PCDH9: variants seen among roughly 807,000 people sequenced by gnomAD.
PCDH9 encodes the protein protocadherin 9, also known as protocadherin-9.
A neutral mutation model predicts 70.6 loss-of-function variants in PCDH9; 24 were observed. The observed-to-expected ratio is 0.34, with a 90% CI of 0.25 to 0.48. The LOEUF (loss-of-function observed/expected upper bound fraction) is 0.48, where lower values mean the gene tolerates loss of function less well. Among genes scored for constraint, PCDH9 ranks in the 20% least tolerant of loss-of-function variants. The pLI is 0.99. For missense variants in PCDH9, 1,281 were observed against 1,503.6 expected, an observed-to-expected ratio of 0.85 and a Z score of 2.45; for synonymous variants, 562 against 558.5, an observed-to-expected ratio of 1.01 and a Z score of -0.09.
chr13:66,653,555 C>T (rs1168243732), intron 3 of PCDH9, among the ~76,000 whole-genome samples: 2 of 152,098 alleles, frequency 1.3e-5, no homozygotes, highest in African/African-American at 2.4e-5. Context: ...CCCTGGTACA[C>T]TGTTGGTGGG....
intron 4 of PCDH9, among the ~76,000 whole-genome samples, chr13:66,399,131 A>T (rs1957148821): frequency 6.6e-6 from 1 of 152,144 alleles, no homozygotes; most frequent in Non-Finnish European, 1.5e-5. Flanking sequence ...CCTATTCTGT[A>T]GATGCACAGT....
intron 4 of PCDH9, among the ~76,000 whole-genome samples, chr13:66,518,005 T>C (rs1959818193): frequency 6.6e-6 from 1 of 152,076 alleles, no homozygotes; most frequent in Non-Finnish European, 1.5e-5. Context: ...TATAAAGAAA[T>C]ACCTGAGATT....
chr13:66,650,152 TG>T (rs1382708267), intron 3 of PCDH9, among the ~76,000 whole-genome samples: 1 of 151,826 alleles, frequency 6.6e-6, no homozygotes, highest in African/African-American at 2.4e-5. Context: ...TAACATTGAC[TG>T]TAAATGAACT....
At chr13:66,389,635 A>G (rs1956985328) in intron 4 of PCDH9, among the ~76,000 whole-genome samples, 1 of 152,198 alleles carries the variant, frequency 6.6e-6, no homozygotes, top group Non-Finnish European at 1.5e-5. Flanking sequence ...CTGGATGTTT[A>G]TGTCTGCTCT....
At chr13:66,575,064 T>A (rs1007950898) in intron 4 of PCDH9, among the ~76,000 whole-genome samples, 1 of 151,762 alleles carries the variant, frequency 6.6e-6, no homozygotes, top group African/African-American at 2.4e-5. Flanking sequence ...TCCCAGCTAC[T>A]CGGGAGGCAG....
intron 2 of PCDH9, chr13:67,001,970 C>T (rs566827496): frequency 1.7e-4 from 26 of 152,264 alleles, no homozygotes; most frequent in African/African-American, 6.3e-4. Context: ...TGAATCACTT[C>T]TTAAATAAAT....
At chr13:67,191,422 T>G (rs970186391) in intron 2 of PCDH9, among the ~76,000 whole-genome samples, 2 of 152,268 alleles carry the variant, frequency 1.3e-5, no homozygotes, top group Admixed American at 1.3e-4. Context: ...AGAATTTATC[T>G]CTATAAATCA....
intron 3 of PCDH9, among the ~76,000 whole-genome samples, chr13:66,757,474 T>C (rs971664406): frequency 1.3e-5 from 2 of 152,184 alleles, no homozygotes; most frequent in Non-Finnish European, 2.9e-5. Context: ...TTTACCATCA[T>C]TGGGTTTTTA....
At chr13:66,901,752 A>G (rs1220258511) in intron 3 of PCDH9, among the ~76,000 whole-genome samples, 2 of 151,692 alleles carry the variant, frequency 1.3e-5, no homozygotes, top group Non-Finnish European at 3.0e-5. Flanking sequence ...TATGATTTAT[A>G]GAAAATTATT....
At chr13:66,848,950 AAAT>A (rs1566238590) in intron 3 of PCDH9, among the ~76,000 whole-genome samples, 1 of 151,552 alleles carries the variant, frequency 6.6e-6, no homozygotes, top group Non-Finnish European at 1.5e-5. Context: ...AAAAAAAAAA[AAAT>A]AGAGGAGCCA....
chr13:66,836,937 C>T (rs1242003060), intron 3 of PCDH9, among the ~76,000 whole-genome samples: 2 of 152,248 alleles, frequency 1.3e-5, no homozygotes, highest in African/African-American at 4.8e-5. Flanking sequence ...CGCTCGAGTA[C>T]AAAATTTGCT....
chr13:67,014,930 T>C (rs1262598285), intron 2 of PCDH9, among the ~76,000 whole-genome samples: 3 of 152,116 alleles, frequency 2.0e-5, no homozygotes, highest in Non-Finnish European at 4.4e-5. Flanking sequence ...ACCCTTTTTT[T>C]CTTTTTACTC....
At position 67,039,211 on chromosome 13, in the gene PCDH9, T is replaced by A. The variant is rs151093688; in HGVS notation, c.3037-135606A>T. Among the ~76,000 whole-genome samples the A allele has an allele frequency of 2.5e-4, 38 of 152,248 alleles. 1 individual carries two copies. In the East Asian group the frequency reaches 7.4e-3, roughly 30 times the overall value. On this transcript the variant is annotated intron_variant, in intron 2 of 4. Transcript: ENST00000377865. Reference sequence around the variant, plus strand: ...TTTGTGTAACAAGGTTGTGAGTTGTTTTTCAGTTTCCGTGGACCCCCAGAT... The same window carrying A: ...TTTGTGTAACAAGGTTGTGAGTTGTATTTCAGTTTCCGTGGACCCCCAGAT...
At chr13:66,752,803 T>C (rs1289707086) in intron 3 of PCDH9, among the ~76,000 whole-genome samples, 1 of 152,186 alleles carries the variant, frequency 6.6e-6, no homozygotes, top group Non-Finnish European at 1.5e-5. Flanking sequence ...ATACACAATG[T>C]GGATTAGACT....
At position 66,980,730 on chromosome 13, in the gene PCDH9, G is replaced by GTTTTTTTT; in HGVS notation, c.3037-77133_3037-77126dup. ...TTTGTTTTTTCCTGTTTTTTTCTTTGTTTTTTTTTTTGTTTTTTTTTTTAC... is the reference window on the plus strand; with the variant it reads ...TTTGTTTTTTCCTGTTTTTTTCTTTGTTTTTTTTTTTTTTTTTTTGTTTTTTTTTTTAC... On this transcript the variant is annotated intron_variant, in intron 2 of 4. Transcript: ENST00000377865. 1.3e-3 allele frequency among the ~76,000 whole-genome samples: 95 copies of GTTTTTTTT among 70,876 alleles called. 4 individuals carry two copies. Among genetic ancestry groups the GTTTTTTTT allele is most frequent in the Non-Finnish European group, 1.8e-3 (67 of 37,606 alleles). 46.5% of individuals were successfully genotyped at this position (70,876 alleles called of 152,430 possible). A position where few individuals can be genotyped will look rare whatever the true frequency, so the allele number is the denominator to read the frequency against.
intron 2 of PCDH9, among the ~76,000 whole-genome samples, chr13:66,907,921 T>C (rs1194687884): frequency 6.6e-6 from 1 of 152,212 alleles, no homozygotes; most frequent in Admixed American, 6.5e-5. Flanking sequence ...ATAGGTTTCA[T>C]TAAATAACAA....
At chr13:66,812,432 G>A (rs2080526281) in intron 3 of PCDH9, among the ~76,000 whole-genome samples, 1 of 152,074 alleles carries the variant, frequency 6.6e-6, no homozygotes, top group Non-Finnish European at 1.5e-5. Flanking sequence ...AAATAACAAA[G>A]AATAGACACT....
intron 4 of PCDH9, among the ~76,000 whole-genome samples, chr13:66,362,857 C>T (rs1956493871): frequency 6.6e-6 from 1 of 152,128 alleles, no homozygotes; most frequent in Non-Finnish European, 1.5e-5. Context: ...AAGGCACATA[C>T]TTTATCTCAC....
At chr13:66,381,094 T>C (rs1956840662) in intron 4 of PCDH9, among the ~76,000 whole-genome samples, 1 of 152,192 alleles carries the variant, frequency 6.6e-6, no homozygotes, top group Non-Finnish European at 1.5e-5. Context: ...AGTTTGAAAT[T>C]ATATTTCAAA....
Sources: gnomAD v4.1 joint callset for allele counts (sites outside exome capture counted in the v4.1 genomes callset) on GRCh38, gnomAD v4.1.1 for gene constraint, MANE v1.5 for transcripts, NCBI Gene and HGNC (gene_info 2026-07-23, HGNC 2026-07-21) for gene names.